The following AK3 variants were observed in gnomAD, a reference collection of about 807,000 sequenced individuals.
AK3 encodes GTP:AMP phosphotransferase AK3, mitochondrial.
A neutral mutation model predicts 23.7 loss-of-function variants in AK3; 27 were observed. That is an observed-to-expected ratio of 1.14 (90% CI 0.84 to 1.57). The LOEUF (loss-of-function observed/expected upper bound fraction) is 1.57, where lower values mean the gene tolerates loss of function less well. AK3 is among the 40% of genes most tolerant of loss of function. The probability of loss-of-function intolerance (pLI) is 0.00; values close to 1 mark genes in which losing one functional copy is unlikely to be tolerated. For synonymous variants in AK3, 159 were observed against 116.0 expected (o/e 1.37, Z -2.38); for missense variants, 406 against 285.6 (o/e 1.42, Z -3.04).
chr9:4,727,600 C>A (rs897225807), intron 1 of AK3, among the ~76,000 whole-genome samples: 3 of 152,160 alleles, frequency 2.0e-5, no homozygotes, highest in Non-Finnish European at 2.9e-5. Context: ...CTGGTCTGAT[C>A]TTCTTTCTAG....
rs1841535589 is a variant in AK3 at position 4,710,617 on chromosome 9, C to T, written c.*2359G>A. Reference sequence around the variant, plus strand: ...GTGGTACATAAATCTTAATGATGGTCATTACAGAATTATTTTTTTGGGTGG... The same window carrying T: ...GTGGTACATAAATCTTAATGATGGTTATTACAGAATTATTTTTTTGGGTGG... On this transcript the variant is annotated 3_prime_UTR_variant, in exon 5 of 5. Transcript: ENST00000381809. 1 of 152,116 alleles carries T rather than the reference C, an allele frequency of 6.6e-6. No individual in the cohort carries two copies. The highest frequency in any genetic ancestry group is 6.6e-5 in the Admixed American group (1 of 15,260). The allele number at this position is 152,116 out of a possible 1,614,324, so 9.4% of individuals were successfully genotyped here.
chr9:4,737,739 A>C (rs73641824), intron 1 of AK3, among the ~76,000 whole-genome samples: 462 of 152,204 alleles, frequency 3.0e-3, no homozygotes, highest in African/African-American at 0.011. Flanking sequence ...AAATACAATA[A>C]AAGAGAGGAC....
At chr9:4,717,365 C>G (rs463684) in intron 4 of AK3, among the ~76,000 whole-genome samples, 1 of 152,170 alleles carries the variant, frequency 6.6e-6, no homozygotes, top group African/African-American at 2.4e-5. Context: ...GGTTCCTATA[C>G]GTGTTGCAGA....
chr9:4,714,055 T>G (rs1321805287), intron 4 of AK3, among the ~76,000 whole-genome samples: 3 of 30,066 alleles, frequency 1.0e-4, no homozygotes, highest in African/African-American at 3.5e-4. Flanking sequence ...CATATACACC[T>G]ACACATATAC....
chr9:4,722,450 C>T, intron 2 of AK3, 56 bp downstream of exon 2: 5 of 1,611,114 alleles, frequency 3.1e-6, no homozygotes, highest in Non-Finnish European at 3.4e-6. Flanking sequence ...AATGCTCATT[C>T]TCCTGCCAGC....
chr9:4,725,585 A>G (rs1322388860), intron 1 of AK3, among the ~76,000 whole-genome samples: 1 of 151,976 alleles, frequency 6.6e-6, no homozygotes, highest in South Asian at 2.1e-4. Context: ...CCTGGCCAAC[A>G]TGGTGAAACC....
At chr9:4,725,680 T>A (rs1052754139) in intron 1 of AK3, among the ~76,000 whole-genome samples, 2 of 152,186 alleles carry the variant, frequency 1.3e-5, no homozygotes, top group Non-Finnish European at 2.9e-5. Flanking sequence ...GCAAATCATG[T>A]AGCTGGTAAG....
chr9:4,718,907 C>T (rs456374), intron 3 of AK3, among the ~76,000 whole-genome samples: 51,051 of 152,072 alleles, frequency 0.34, 9,036 homozygotes, highest in African/African-American at 0.44. Flanking sequence ...CTTGGCAGAG[C>T]AGGAAATCAA....
At chr9:4,722,386 C>T in intron 2 of AK3, 120 bp downstream of exon 2, 1 of 1,425,354 alleles carries the variant, frequency 7.0e-7, no homozygotes, top group Non-Finnish European at 9.5e-7. Flanking sequence ...CAGGATAGTC[C>T]CAAGCACCCC....
Position 4,715,282 on chromosome 9 carries a change from A to G in AK3, c.564-2186T>C, listed in dbSNP as rs115919303. The stretch of plus-strand genomic sequence containing the variant: ...AAAGAAAAGCTTGAATTAACAGCAA[A>G]AGGCAGCAAAAGCCAGAAGGAGCCT... On this transcript the variant is annotated intron_variant, in intron 4 of 4. Coordinates refer to ENST00000381809, the MANE Select transcript of AK3 (RefSeq NM_016282.4). Among the ~76,000 whole-genome samples the G allele has an allele frequency of 1.1e-3, 160 of 151,908 alleles. 2 individuals are homozygous for G. The highest frequency in any genetic ancestry group is 3.6e-3 in the African/African-American group (151 of 41,520).
chr9:4,741,116 G>C lies in AK3; in HGVS notation c.-29C>G. 6.1e-6 allele frequency: 9 copies of C among 1,486,458 alleles called. No individual in the cohort carries two copies. The highest frequency in any genetic ancestry group is 8.1e-6 in the Non-Finnish European group (9 of 1,117,706). 92.1% of individuals were successfully genotyped at this position (1,486,458 alleles called of 1,614,324 possible). On this transcript the variant is annotated 5_prime_UTR_variant, in exon 1 of 5. Transcript: ENST00000381809. ...CGCAGACTGAGGCCCGCACCGCGCG[G>C]GTACCAGGGCTTTGGCCTGGCCTGC...
chr9:4,714,787 G>GT (rs554219042), intron 4 of AK3, among the ~76,000 whole-genome samples: 1 of 152,076 alleles, frequency 6.6e-6, no homozygotes, highest in African/African-American at 2.4e-5. Flanking sequence ...CAGCTAAAAG[G>GT]TTTTTTTTAA....
At chr9:4,726,208 G>C (rs1419127786) in intron 1 of AK3, among the ~76,000 whole-genome samples, 1 of 152,140 alleles carries the variant, frequency 6.6e-6, no homozygotes, top group Non-Finnish European at 1.5e-5. Flanking sequence ...GATCAGGATG[G>C]AGGTTGCTAA....
Position 4,741,120 on chromosome 9 carries a change from C to A in AK3, c.-33G>T. The A allele has an allele frequency of 1.4e-6, 2 of 1,477,242 alleles. No individual in the cohort carries two copies. Among genetic ancestry groups the A allele is most frequent in the Non-Finnish European group, 9.0e-7 (1 of 1,113,474 alleles). The allele number at this position is 1,477,242 out of a possible 1,614,324, so 91.5% of individuals were successfully genotyped here. Reference sequence around the variant, plus strand: ...GACTGAGGCCCGCACCGCGCGGGTACCAGGGCTTTGGCCTGGCCTGCGCGC... The same window carrying A: ...GACTGAGGCCCGCACCGCGCGGGTAACAGGGCTTTGGCCTGGCCTGCGCGC... On this transcript the variant is annotated 5_prime_UTR_variant, in exon 1 of 5. Coordinates refer to ENST00000381809, the MANE Select transcript of AK3 (RefSeq NM_016282.4).
chr9:4,723,954 AC>A (rs1456005526), intron 1 of AK3, among the ~76,000 whole-genome samples: 1 of 135,972 alleles, frequency 7.4e-6, no homozygotes, highest in Non-Finnish European at 1.5e-5. Context: ...TGCCATACTG[AC>A]CCCAAAACAG....
chr9:4,719,361 G>C (rs1587641171), intron 2 of AK3, 54 bp from the exon 3 acceptor site: 1 of 892,430 alleles, frequency 1.1e-6, no homozygotes, highest in Non-Finnish European at 1.5e-6. Context: ...AGTATGGGGT[G>C]GGGGTGGGGC....
intron 1 of AK3, among the ~76,000 whole-genome samples, chr9:4,731,349 T>C (rs1210156358): frequency 6.6e-6 from 1 of 152,104 alleles, no homozygotes; most frequent in African/African-American, 2.4e-5. Context: ...AGCTCCCACT[T>C]ATAAGTGAGA....
chr9:4,732,081 C>T (rs1402296568), intron 1 of AK3, among the ~76,000 whole-genome samples: 1 of 151,822 alleles, frequency 6.6e-6, no homozygotes, highest in East Asian at 1.9e-4. Flanking sequence ...TCCCAAGTAG[C>T]TGGGAAAACA....
intron 3 of AK3, among the ~76,000 whole-genome samples, 154 bp downstream of exon 3, chr9:4,718,980 CA>C (rs1271034512): frequency 5.3e-5 from 8 of 152,132 alleles, no homozygotes; most frequent in Non-Finnish European, 1.2e-4. Context: ...GCACCAAGCT[CA>C]GTGGACTTGA....
Sources: allele counts gnomAD v4.1 joint callset (sites outside exome capture counted in the v4.1 genomes callset), GRCh38; gene constraint gnomAD v4.1.1; transcripts MANE v1.5; gene names NCBI Gene and HGNC (gene_info 2026-07-23, HGNC 2026-07-21).